The following SNX24 variants were observed in gnomAD, a reference collection of about 807,000 sequenced individuals.
The protein encoded by SNX24 is sorting nexin-24.
In SNX24, 22 loss-of-function variants were observed where a neutral mutation model predicts 28.7. The observed-to-expected ratio is 0.77, with a 90% CI of 0.55 to 1.10. The LOEUF (loss-of-function observed/expected upper bound fraction) is 1.10. SNX24 is among the 50% of genes least tolerant of loss of function. The probability of loss-of-function intolerance (pLI) is 0.00; values close to 1 mark genes in which losing one functional copy is unlikely to be tolerated. For missense variants in SNX24, 221 were observed against 201.1 expected, an observed-to-expected ratio of 1.10 and a Z score of -0.60; for synonymous variants, 69 against 71.5, an observed-to-expected ratio of 0.96 and a Z score of 0.18.
At chr5:122,921,051 A>G (rs936530853) in intron 1 of SNX24, among the ~76,000 whole-genome samples, 2 of 151,926 alleles carry the variant, frequency 1.3e-5, no homozygotes, top group African/African-American at 4.8e-5. Flanking sequence ...TTCTCTCAGC[A>G]TTTTTGGTAA....
At chr5:122,880,335 G>A (rs1050915054) in intron 1 of SNX24, among the ~76,000 whole-genome samples, 17 of 152,156 alleles carry the variant, frequency 1.1e-4, no homozygotes, top group African/African-American at 3.1e-4. Flanking sequence ...AAGATTATCC[G>A]AATGAAGAGG....
chr5:122,904,800 T>C (rs1318660748), intron 1 of SNX24, among the ~76,000 whole-genome samples: 1 of 152,182 alleles, frequency 6.6e-6, no homozygotes, highest in Non-Finnish European at 1.5e-5. Context: ...GATTAATTGT[T>C]CTTTTGGCTT....
At chr5:122,857,032 A>C (rs1351200026) in intron 1 of SNX24, among the ~76,000 whole-genome samples, 1 of 150,572 alleles carries the variant, frequency 6.6e-6, no homozygotes, top group South Asian at 2.1e-4. Flanking sequence ...TTTTTTTGAG[A>C]CGGAGTTTCG....
At chr5:123,026,391 C>G (rs1415523068) in intron 5 of SNX24, among the ~76,000 whole-genome samples, 1 of 152,168 alleles carries the variant, frequency 6.6e-6, no homozygotes, top group Non-Finnish European at 1.5e-5. Context: ...GTGACTTATC[C>G]AGGATTGGGT....
At chr5:123,002,109 T>G in intron 6 of SNX24, 105 bp downstream of exon 6, 1 of 891,098 alleles carries the variant, frequency 1.1e-6, no homozygotes, top group African/African-American at 1.6e-5. Flanking sequence ...GGTCCCGGGC[T>G]TAATAATCTG....
At chr5:122,996,005 C>T (rs1284302846) in intron 3 of SNX24, among the ~76,000 whole-genome samples, 2 of 152,206 alleles carry the variant, frequency 1.3e-5, no homozygotes, top group African/African-American at 4.8e-5. Flanking sequence ...GAGCCCTCCA[C>T]ACCACTGACT....
chr5:122,971,939 T>C (rs1428148718), intron 3 of SNX24, among the ~76,000 whole-genome samples: 1 of 152,218 alleles, frequency 6.6e-6, no homozygotes, highest in Non-Finnish European at 1.5e-5. Context: ...CCATTTGTAG[T>C]CCTGCCTGGA....
At chr5:122,952,150 T>C (rs1759971557) in intron 3 of SNX24, among the ~76,000 whole-genome samples, 1 of 152,186 alleles carries the variant, frequency 6.6e-6, no homozygotes, top group South Asian at 2.1e-4. Flanking sequence ...GATATCTCAT[T>C]ATGTATATGC....
At chr5:122,951,816 G>A (rs900288164) in intron 3 of SNX24, among the ~76,000 whole-genome samples, 1 of 152,230 alleles carries the variant, frequency 6.6e-6, no homozygotes, top group Non-Finnish European at 1.5e-5. Flanking sequence ...GAGGCGGGAG[G>A]CAGCCTGTGC....
At chr5:123,009,307 A>G (rs374860930), downstream of SNX24, 90 of 693,548 alleles carry the variant, frequency 1.3e-4, 2 homozygotes, top group African/African-American at 1.1e-3. Context: ...CCTCTCACAC[A>G]TTCACATAGA....
At chr5:122,974,852 T>C (rs1008873207) in intron 3 of SNX24, among the ~76,000 whole-genome samples, 1 of 152,218 alleles carries the variant, frequency 6.6e-6, no homozygotes, top group African/African-American at 2.4e-5. Context: ...CCCACCATAA[T>C]TGCCCTCACC....
In SNX24 at chr5:122,967,446, A is replaced by G. The variant is rs949947141; in HGVS notation, c.249+21287A>G. 4.6e-5 allele frequency among the ~76,000 whole-genome samples: 7 copies of G among 152,144 alleles called. No homozygotes were observed. The East Asian group carries it at 1.3e-3, about 29-fold the overall frequency. ...GCCGATCTGATGAGCGCCTGTGGGA[A>G]GCTGGTACCTGAGGGGCAGCACGTG... On this transcript the variant is annotated intron_variant, in intron 3 of 6. Transcript: ENST00000261369.
intron 3 of SNX24, among the ~76,000 whole-genome samples, chr5:122,975,147 C>T (rs1323980600): frequency 1.3e-5 from 2 of 152,148 alleles, no homozygotes; most frequent in Non-Finnish European, 2.9e-5. Flanking sequence ...ATTACCCCAT[C>T]ACATTTTTCC....
intron 1 of SNX24, among the ~76,000 whole-genome samples, chr5:122,866,260 C>T (rs1048311696): frequency 6.6e-6 from 1 of 152,156 alleles, no homozygotes. Flanking sequence ...AGCAGTTCTC[C>T]TGCCTCAGCC....
chr5:123,005,268 T>G (rs1235543970), intron 6 of SNX24, among the ~76,000 whole-genome samples: 1 of 152,208 alleles, frequency 6.6e-6, no homozygotes, highest in East Asian at 1.9e-4. Flanking sequence ...CTAGCATATG[T>G]TCAGCTCTTG....
intron 1 of SNX24, among the ~76,000 whole-genome samples, chr5:122,904,249 C>T (rs1757555124): frequency 1.3e-5 from 2 of 151,918 alleles, no homozygotes; most frequent in South Asian, 4.2e-4. Context: ...ATGGCACAAT[C>T]TCGGCTCGCC....
chr5:122,956,464 T>C (rs1045887690), intron 3 of SNX24, among the ~76,000 whole-genome samples: 1 of 151,872 alleles, frequency 6.6e-6, no homozygotes, highest in Non-Finnish European at 1.5e-5. Flanking sequence ...GTTGCTTCCA[T>C]GTTTTAGTTT....
At chr5:122,902,060 C>A (rs1581725054) in intron 1 of SNX24, among the ~76,000 whole-genome samples, 2 of 152,352 alleles carry the variant, frequency 1.3e-5, no homozygotes, top group South Asian at 4.1e-4. Context: ...TGTCCTTCAT[C>A]TGGGCATTCA....
chr5:122,898,178 A>AT (rs1337131176), intron 1 of SNX24, among the ~76,000 whole-genome samples: 1 of 152,218 alleles, frequency 6.6e-6, no homozygotes, highest in Non-Finnish European at 1.5e-5. Flanking sequence ...CTTAAGGAAG[A>AT]TTCATGATGA....
Sources: allele counts gnomAD v4.1 joint callset (sites outside exome capture counted in the v4.1 genomes callset), GRCh38; gene constraint gnomAD v4.1.1; transcripts MANE v1.5; gene names NCBI Gene and HGNC (gene_info 2026-07-23, HGNC 2026-07-21).